Variants in CFAP100 observed in about 807,000 individuals in gnomAD.
CFAP100 encodes cilia- and flagella-associated protein 100.
CFAP100 carries 70 observed loss-of-function variants against 81.5 expected under a neutral mutation model. That is an observed-to-expected ratio of 0.86 (90% CI 0.71 to 1.05). The LOEUF (loss-of-function observed/expected upper bound fraction) is 1.05, where lower values mean the gene tolerates loss of function less well. Among genes scored for constraint, CFAP100 ranks in the 50% least tolerant of loss-of-function variants. The pLI is 0.00. For missense variants in CFAP100, 811 were observed against 776.5 expected, an observed-to-expected ratio of 1.04 and a Z score of -0.53; for synonymous variants, 341 against 314.8, an observed-to-expected ratio of 1.08 and a Z score of -0.88.
intron 4 of CFAP100, 86 bp from the exon 5 acceptor site, chr3:126,416,230 C>CGTCCCCGGCCTCAGGTCCGCGT: frequency 6.6e-6 from 8 of 1,217,202 alleles, no homozygotes; most frequent in Non-Finnish European, 9.2e-6. Flanking sequence ...CGCAAACCCG[C>CGTCCCCGGCCTCAGGTCCGCGT]GTCCCTAGGA....
intron 2 of CFAP100, among the ~76,000 whole-genome samples, chr3:126,399,826 G>A (rs1204322934): frequency 6.6e-6 from 1 of 152,178 alleles, no homozygotes; most frequent in Non-Finnish European, 1.5e-5. Context: ...TGGAGCAGCT[G>A]TACCAGCCTC....
At chr3:126,435,988 G>C (rs943012638) in intron 16 of CFAP100, among the ~76,000 whole-genome samples, 2 of 152,148 alleles carry the variant, frequency 1.3e-5, no homozygotes, top group Non-Finnish European at 2.9e-5. Flanking sequence ...CCGTCACTGG[G>C]GTCCCCCTAC....
chr3:126,416,489 G>C lies in CFAP100; in HGVS notation c.399G>C (p.Trp133Cys). 1 of 1,599,698 alleles carries C rather than the reference G, an allele frequency of 6.3e-7. No homozygotes were observed. Among genetic ancestry groups the C allele is most frequent in the East Asian group, 2.3e-5 (1 of 44,428 alleles). The change falls in exon 5 of 17, where the codon TGG becomes TGC. Residue 133 changes from tryptophan (W) to cysteine (C), a missense_variant. Physicochemically the swap from Trp to Cys is radical, Grantham distance 215 (BLOSUM62 -2). Coordinates refer to ENST00000352312, the MANE Select transcript of CFAP100 (RefSeq NM_182628.3). ...GCGCCTTCCGCGACTACACGACCTGGAAGCTCACCTTGACCAAAGGTGCGT... is the reference window on the plus strand; with the variant it reads ...GCGCCTTCCGCGACTACACGACCTGCAAGCTCACCTTGACCAAAGGTGCGT... ...HQRAFRDYTTWKLTLTKEKNV... is the reference protein window; with the variant it reads ...HQRAFRDYTTCKLTLTKEKNV...
chr3:126,401,844 C>T (rs967342319), intron 2 of CFAP100, among the ~76,000 whole-genome samples: 1 of 152,130 alleles, frequency 6.6e-6, no homozygotes, highest in African/African-American at 2.4e-5. Flanking sequence ...TCCCTGTGCT[C>T]CCCAGGCTCA....
chr3:126,424,321 G>C (rs2083379330), intron 13 of CFAP100, among the ~76,000 whole-genome samples: 2 of 152,248 alleles, frequency 1.3e-5, no homozygotes, highest in African/African-American at 4.8e-5. Flanking sequence ...GGGGCCTCTG[G>C]GGACAGGCCT....
intron 13 of CFAP100, among the ~76,000 whole-genome samples, chr3:126,428,765 G>A (rs1933061417): frequency 6.6e-6 from 1 of 152,140 alleles, no homozygotes; most frequent in Non-Finnish European, 1.5e-5. Flanking sequence ...TGGCTTCATA[G>A]AATGAGCTTG....
intron 2 of CFAP100, among the ~76,000 whole-genome samples, chr3:126,406,810 G>A (rs985660198): frequency 5.3e-5 from 8 of 152,180 alleles, no homozygotes; most frequent in Non-Finnish European, 8.8e-5. Flanking sequence ...CAAGGCACTG[G>A]CCACGCCGGG....
chr3:126,420,353 C>A, intron 11 of CFAP100, 124 bp downstream of exon 11: 1 of 1,346,444 alleles, frequency 7.4e-7, no homozygotes, highest in Non-Finnish European at 1.0e-6. Flanking sequence ...GTCCCTACTC[C>A]AAGAAGGGCC....
intron 2 of CFAP100, among the ~76,000 whole-genome samples, chr3:126,399,261 C>T (rs982397783): frequency 2.0e-5 from 3 of 152,168 alleles, no homozygotes; most frequent in Admixed American, 6.5e-5. Flanking sequence ...GACATTTGTT[C>T]CCCCAGAGCC....
chr3:126,421,003 A>G (rs1463251141), intron 11 of CFAP100, among the ~76,000 whole-genome samples: 1 of 151,804 alleles, frequency 6.6e-6, no homozygotes, highest in Non-Finnish European at 1.5e-5. Context: ...CCTTATTTCT[A>G]TTTATTTATT....
At chr3:126,424,641 A>G (rs1346368717) in intron 13 of CFAP100, among the ~76,000 whole-genome samples, 1 of 152,256 alleles carries the variant, frequency 6.6e-6, no homozygotes, top group East Asian at 1.9e-4. Flanking sequence ...CCTGGGTCTA[A>G]GCTCTGCAAG....
chr3:126,434,402 G>C, intron 15 of CFAP100, 21 bp downstream of exon 15: 1 of 1,602,796 alleles, frequency 6.2e-7, no homozygotes, highest in Non-Finnish European at 8.5e-7. Context: ...GGCTCTCCCT[G>C]CCAGCTGCTG....
rs73859267 is a variant in CFAP100, at chr3:126,418,237, G to A, written c.419-221G>A. The stretch of plus-strand genomic sequence containing the variant: ...CAGACACAGTAAGGACTTCCCACGC[G>A]GCCGGACTCTGGCCATGGAGAATGT... On this transcript the variant is annotated intron_variant, in intron 5 of 16. Coordinates refer to ENST00000352312, the MANE Select transcript of CFAP100 (RefSeq NM_182628.3). 1.9e-3 allele frequency: 1,091 copies of A among 568,514 alleles called. 8 individuals carry two copies. Among genetic ancestry groups the A allele is most frequent in the African/African-American group, 0.018 (972 of 53,286 alleles). 35.2% of individuals were successfully genotyped at this position (568,514 alleles called of 1,614,324 possible). A position where few individuals can be genotyped will look rare whatever the true frequency, so the allele number is the denominator to read the frequency against.
intron 3 of CFAP100, among the ~76,000 whole-genome samples, chr3:126,411,357 GTT>G (rs1444093859): frequency 1.3e-4 from 4 of 30,216 alleles, no homozygotes; most frequent in Admixed American, 1.1e-3. Context: ...TTTTGTTGTT[GTT>G]GGTTTTTTTT....
At position 126,423,644 on chromosome 3, in the gene CFAP100, T is replaced by A. The variant is rs2083368664; in HGVS notation, c.1286T>A (p.Met429Lys). ...SHTLKHTQIR[M>K]DREVNQLKQW... ...ACCCTGAAACACACCCAGATCCGCA[T>A]GTAGGTGCTATGCGGTGGCCAGTGG... The change falls in exon 13 of 17, where the codon ATG becomes AAG. Residue 429 changes from methionine to lysine, a missense_variant and splice_region_variant. Met to Lys is a moderately conservative substitution (Grantham distance 95). Coordinates refer to ENST00000352312, the MANE Select transcript of CFAP100 (RefSeq NM_182628.3). 1.2e-6 allele frequency: 2 copies of A among 1,614,148 alleles called. No homozygotes were observed. Among genetic ancestry groups the A allele is most frequent in the Non-Finnish European group, 1.7e-6 (2 of 1,180,008 alleles).
chr3:126,413,301 C>T lies in CFAP100; in HGVS notation c.131-784C>T, dbSNP rs116006768. Reference sequence around the variant, plus strand: ...GCACCTCCTTACCCCATCCCACCTGCCTGCCCTCTCCCAGAACTTCTGTGA... The same window carrying T: ...GCACCTCCTTACCCCATCCCACCTGTCTGCCCTCTCCCAGAACTTCTGTGA... On this transcript the variant is annotated intron_variant, in intron 3 of 16. Transcript: ENST00000352312. Among the ~76,000 whole-genome samples, 1,038 of 152,354 alleles carry T rather than the reference C, an allele frequency of 6.8e-3. 15 individuals carry two copies. The highest frequency in any genetic ancestry group is 0.022 in the African/African-American group (907 of 41,580).
Position 126,423,650 on chromosome 3 carries a change from T to C in CFAP100, c.1286+6T>C. On this transcript the variant is annotated splice_donor_region_variant and intron_variant, in intron 13 of 16. Coordinates refer to ENST00000352312, the MANE Select transcript of CFAP100 (RefSeq NM_182628.3). ...AAACACACCCAGATCCGCATGTAGGTGCTATGCGGTGGCCAGTGGGGGCTC... is the reference window on the plus strand; with the variant it reads ...AAACACACCCAGATCCGCATGTAGGCGCTATGCGGTGGCCAGTGGGGGCTC... 6.2e-7 allele frequency: 1 copy of C among 1,614,068 alleles called. No homozygotes were observed. Among genetic ancestry groups the C allele is most frequent in the Non-Finnish European group, 8.5e-7 (1 of 1,179,948 alleles).
chr3:126,419,716 T>C lies in CFAP100; in HGVS notation c.811T>C (p.Trp271Arg). 1 of 1,613,806 alleles carries C rather than the reference T, an allele frequency of 6.2e-7. No individual in the cohort carries two copies. Among genetic ancestry groups the C allele is most frequent in the African/African-American group, 1.3e-5 (1 of 74,962 alleles). The change falls in exon 9 of 17, where the codon TGG becomes CGG. Residue 271 changes from tryptophan to arginine, a missense_variant. Physicochemically the swap from Trp to Arg is moderately radical, Grantham distance 101 (BLOSUM62 -3). Transcript: ENST00000352312. ...DFLYKLSPKE[W>R]LEEQEKKHSF... The stretch of plus-strand genomic sequence containing the variant: ...CCTATACAAGCTGTCGCCCAAGGAG[T>C]GGCTTGAAGAACAGGAAAAGAAACA...
intron 11 of CFAP100, among the ~76,000 whole-genome samples, chr3:126,421,594 C>G (rs1426988105): frequency 6.6e-6 from 1 of 152,226 alleles, no homozygotes; most frequent in Non-Finnish European, 1.5e-5. Context: ...GCAACCCACT[C>G]TCCTCCACGG....
Sources: gnomAD v4.1 joint callset for allele counts (sites outside exome capture counted in the v4.1 genomes callset) on GRCh38, gnomAD v4.1.1 for gene constraint, MANE v1.5 for transcripts, NCBI Gene and HGNC (gene_info 2026-07-23, HGNC 2026-07-21) for gene names.